The following QRICH2 variants were observed in gnomAD, a reference collection of about 807,000 sequenced individuals.
QRICH2 encodes glutamine rich 2.
In QRICH2, 119 loss-of-function variants were observed where a neutral mutation model predicts 168.3. That is an observed-to-expected ratio of 0.71 (90% CI 0.61 to 0.82). QRICH2 has a LOEUF of 0.82. Ranked by LOEUF, QRICH2 falls within the 40% of genes least tolerant of loss-of-function variation. The pLI is 0.00. For missense variants in QRICH2, 2,241 were observed against 2,491.6 expected (o/e 0.90, Z 2.14); for synonymous variants, 894 against 951.2 (o/e 0.94, Z 1.11).
chr17:76,294,223 G>A (rs552053347), intron 3 of QRICH2, among the ~76,000 whole-genome samples: 1 of 152,118 alleles, frequency 6.6e-6, no homozygotes, highest in African/African-American at 2.4e-5. Context: ...TCAGGAGTTC[G>A]AGACCAGCCT....
At position 76,274,179 on chromosome 17, in the gene QRICH2, GCGGA is replaced by G; in HGVS notation, c.5560_5563del (p.Ser1854ProfsTer39). ...CTCCAGCCCCCTGTTTGCCACCGCGGCGGAGCTGGGCGGGTGGGCTGTGTTCGGC... is the reference window on the plus strand; with the variant it reads ...CTCCAGCCCCCTGTTTGCCACCGCGGGCTGGGCGGGTGGGCTGTGTTCGGC... On this transcript the variant is annotated frameshift_variant, in exon 19 of 19. Coordinates refer to ENST00000680821, the MANE Select transcript of QRICH2 (RefSeq NM_001388453.1). LOFTEE classifies it low-confidence loss of function (END_TRUNC). 6.3e-7 allele frequency: 1 copy of G among 1,586,410 alleles called. No homozygotes were observed. The highest frequency in any genetic ancestry group is 8.5e-7 in the Non-Finnish European group (1 of 1,171,210).
intron 7 of QRICH2, among the ~76,000 whole-genome samples, chr17:76,284,540 C>T (rs776774504): frequency 1.4e-5 from 2 of 147,608 alleles, no homozygotes; most frequent in Non-Finnish European, 2.9e-5. Flanking sequence ...GTATACAGGC[C>T]AGGCGTGGTG....
chr17:76,303,398 T>C (rs1457014647), intron 3 of QRICH2, among the ~76,000 whole-genome samples: 1 of 152,260 alleles, frequency 6.6e-6, no homozygotes, highest in Non-Finnish European at 1.5e-5. Flanking sequence ...GATAACCCAC[T>C]AGCCCAAAGC....
upstream of QRICH2, chr17:76,308,388 T>C (rs141089929): frequency 3.2e-4 from 313 of 985,400 alleles, no homozygotes; most frequent in African/African-American, 4.7e-3. Flanking sequence ...AAGGGGAGCC[T>C]TGGCAACGGG....
chr17:76,274,924 A>G (rs1264379906), intron 18 of QRICH2, among the ~76,000 whole-genome samples: 3 of 152,160 alleles, frequency 2.0e-5, no homozygotes, highest in African/African-American at 7.2e-5. Flanking sequence ...GTCCATGTAA[A>G]GCTCCTAAAC....
In QRICH2 at chr17:76,281,289, T is replaced by C. The variant is rs954065707; in HGVS notation, c.4264-336A>G. Among the ~76,000 whole-genome samples, 1 of 152,178 alleles carries C rather than the reference T, an allele frequency of 6.6e-6. No individual in the cohort carries two copies. The highest frequency in any genetic ancestry group is 2.1e-4 in the South Asian group (1 of 4,834). The stretch of plus-strand genomic sequence containing the variant: ...CAAGCGTCAGTCACCTACATCCCCA[T>C]GGACTAGCCTTGTGACCCTGGCCTG... On this transcript the variant is annotated intron_variant, in intron 8 of 18. Transcript: ENST00000680821. The surrounding 1 kb of genome is among the most constrained non-coding windows in gnomAD (Gnocchi z 4.4).
Position 76,282,113 on chromosome 17 carries a change from C to A in QRICH2, c.4014G>T (p.Leu1338Phe). The A allele has an allele frequency of 6.2e-7, 1 of 1,600,380 alleles. No homozygotes were observed. The highest frequency in any genetic ancestry group is 8.6e-7 in the Non-Finnish European group (1 of 1,169,464). Reference sequence around the variant, plus strand: ...TCTCAATGATCATCCTGAGCTTGTCCAACTGCGTGCAGGAGAGACGGCAGC... The same window carrying A: ...TCTCAATGATCATCCTGAGCTTGTCAAACTGCGTGCAGGAGAGACGGCAGC... ...SEASLYLQDQ[L>F]DKLRMIIESM... Residue 1338 changes from leucine (L) to phenylalanine (F), a missense_variant and splice_region_variant, in exon 8 of 19, where the codon TTG (leucine) becomes TTT (phenylalanine). Around this residue, in one of 3 missense-constraint regions of QRICH2, gnomAD observed 2,047 missense variants for 2,303.8 expected, o/e 0.89. Coordinates refer to ENST00000680821, the MANE Select transcript of QRICH2 (RefSeq NM_001388453.1).
At chr17:76,309,364 A>C (rs967903027), upstream of QRICH2, 14 of 151,098 alleles carry the variant, frequency 9.3e-5, no homozygotes, top group African/African-American at 3.2e-4. Flanking sequence ...TCAAAAAAAA[A>C]AAAAAAGAAA....
intron 15 of QRICH2, among the ~76,000 whole-genome samples, chr17:76,277,681 TACAC>T (rs1183318145): frequency 2.0e-5 from 3 of 151,396 alleles, no homozygotes; most frequent in Non-Finnish European, 2.9e-5. Context: ...CACGTACTCA[TACAC>T]ACGTACTCAT....
At chr17:76,309,483 C>T (rs1417347037), upstream of QRICH2, 1 of 152,110 alleles carries the variant, frequency 6.6e-6, no homozygotes, top group Non-Finnish European at 1.5e-5. Flanking sequence ...ATGACTTCCC[C>T]ATACAAGATT....
rs1481368056 is a variant in QRICH2 at position 76,287,065 on chromosome 17, CACACACACACACACACACACACAT to C, written c.4011+103_4011+126del. 13 of 240,630 alleles carry C rather than the reference CACACACACACACACACACACACAT, an allele frequency of 5.4e-5. 2 individuals are homozygous for C. In the African/African-American group the frequency reaches 7.0e-4, roughly 13 times the overall value. 14.9% of individuals were successfully genotyped at this position (240,630 alleles called of 1,614,324 possible). On this transcript the variant is annotated intron_variant, in intron 7 of 18. Transcript: ENST00000680821. Reference sequence around the variant, plus strand: ...CATAACACACACACACACACACACACACACACACACACACACACACACATGATGGGAGGGACCTAGTTTTTGATG... The same window carrying C: ...CATAACACACACACACACACACACACGATGGGAGGGACCTAGTTTTTGATG...
rs770620826 is a variant in QRICH2 at position 76,307,414 on chromosome 17, G to C, written c.534+51C>G. ...GTGGGGACTCGGCTAGGCCTGGAGG[G>C]CGGCCTGGAGGAGGCAGACGGCCTG... On this transcript the variant is annotated intron_variant, in intron 1 of 18. Coordinates refer to ENST00000680821, the MANE Select transcript of QRICH2 (RefSeq NM_001388453.1). The surrounding 1 kb of genome is among the most constrained non-coding windows in gnomAD (Gnocchi z 5.3). 17 of 1,593,040 alleles carry C rather than the reference G, an allele frequency of 1.1e-5. No individual in the cohort carries two copies. The highest frequency in any genetic ancestry group is 2.2e-5 in the East Asian group (1 of 44,786).
At chr17:76,286,832 G>GA (rs1258418521) in intron 7 of QRICH2, among the ~76,000 whole-genome samples, 2 of 142,466 alleles carry the variant, frequency 1.4e-5, no homozygotes, top group Non-Finnish European at 3.0e-5. Flanking sequence ...CCAAGATGGC[G>GA]ACACTGCACT....
intron 1 of QRICH2, among the ~76,000 whole-genome samples, chr17:76,306,069 C>T (rs1326131617): frequency 4.0e-5 from 6 of 149,462 alleles, no homozygotes; most frequent in Non-Finnish European, 8.9e-5. Flanking sequence ...ACTCGGGAAG[C>T]CGAGGCAGGA....
At chr17:76,290,916 G>T in intron 4 of QRICH2, 99 bp downstream of exon 4, 1 of 1,515,562 alleles carries the variant, frequency 6.6e-7, no homozygotes. Context: ...GACTCAGGGA[G>T]ATGTGTAGCA....
At chr17:76,277,597 C>T (rs926117125) in intron 15 of QRICH2, among the ~76,000 whole-genome samples, 1 of 152,034 alleles carries the variant, frequency 6.6e-6, no homozygotes. Flanking sequence ...CACACACATA[C>T]TTATGCACAT....
intron 4 of QRICH2, among the ~76,000 whole-genome samples, chr17:76,290,521 C>T (rs144921012): frequency 0.033 from 5,052 of 152,134 alleles, 302 homozygotes; most frequent in African/African-American, 0.12. Context: ...GCTGGGACTA[C>T]AGGTGTGTGC....
At position 76,280,720 on chromosome 17, in the gene QRICH2, G is replaced by T; in HGVS notation, c.4395C>A (p.Tyr1465Ter). 1.9e-6 allele frequency: 3 copies of T among 1,614,124 alleles called. No individual in the cohort carries two copies. Among genetic ancestry groups the T allele is most frequent in the Non-Finnish European group, 2.5e-6 (3 of 1,180,020 alleles). The change falls in exon 10 of 19, where the codon TAC (tyrosine) becomes TAA (stop). Residue 1465 changes from tyrosine to a stop codon, truncating the protein, a stop_gained. Coordinates refer to ENST00000680821, the MANE Select transcript of QRICH2 (RefSeq NM_001388453.1). LOFTEE classifies it high-confidence loss of function. The surrounding 1 kb of genome is among the most constrained non-coding windows in gnomAD (Gnocchi z 7.4). ...CCTTTTCGAGCTTCTCCAGACCCTG[G>T]TACAGCATCTGGGGAGGCCAAGTGA... is the stretch of plus-strand genomic sequence containing the variant. ...RQKQKDIAMLYQGLEKLEKEK... is the reference protein window; with the variant it reads ...RQKQKDIAML
In QRICH2 at chr17:76,307,942, C is replaced by A. The variant is rs2071016914; in HGVS notation, c.57G>T (p.Thr19=). 2 of 1,235,606 alleles carry A rather than the reference C, an allele frequency of 1.6e-6. No homozygotes were observed. The highest frequency in any genetic ancestry group is 2.0e-6 in the Non-Finnish European group (2 of 989,840). 76.5% of individuals were successfully genotyped at this position (1,235,606 alleles called of 1,614,324 possible). ...LRELADLSIG[T]PEVGAVNFTA... is the part of the protein sequence containing the mutation. ...TGAAGTTGACGGCGCCCACCTCTGG[C>A]GTGCCGATGGAGAGGTCCGCCAGCT... The change falls in exon 1 of 19, where the codon ACG becomes ACT. Residue 19 remains threonine (T), a synonymous_variant. Coordinates refer to ENST00000680821, the MANE Select transcript of QRICH2 (RefSeq NM_001388453.1). The surrounding 1 kb of genome is among the most constrained non-coding windows in gnomAD (Gnocchi z 5.3).
Sources: allele counts gnomAD v4.1 joint callset (sites outside exome capture counted in the v4.1 genomes callset), GRCh38; gene constraint gnomAD v4.1.1; regional missense constraint gnomAD v4.1.1; non-coding constraint Gnocchi (gnomAD v3.1); transcripts MANE v1.5; gene names NCBI Gene and HGNC (gene_info 2026-07-23, HGNC 2026-07-21).